The following KIAA1549L variants were observed in gnomAD, a reference collection of about 807,000 sequenced individuals.
KIAA1549L encodes KIAA1549 like.
A neutral mutation model predicts 160.7 loss-of-function variants in KIAA1549L; 88 were observed. The ratio of observed to expected loss-of-function variants is 0.55; its 90% CI spans 0.46 to 0.65. The LOEUF is 0.65. Among genes scored for constraint, KIAA1549L ranks in the 30% least tolerant of loss-of-function variants. The pLI, the probability that KIAA1549L is intolerant of heterozygous loss-of-function variation, is 0.00. For missense variants in KIAA1549L, 2,258 were observed against 2,437.5 expected (o/e 0.93, Z 1.55); for synonymous variants, 950 against 976.7 (o/e 0.97, Z 0.51).
rs527753744 is a variant in KIAA1549L at position 33,420,024 on chromosome 11, G to A, written c.238+43135G>A. 2.9e-4 allele frequency among the ~76,000 whole-genome samples: 44 copies of A among 152,142 alleles called. No individual in the cohort carries two copies. The South Asian group carries it at 8.5e-3, about 29-fold the overall frequency. ...CTGGCCTAATAAGTCCAGAACATCT[G>A]AGCCATCTCTTTAGATTATATTGTA... On this transcript the variant is annotated intron_variant, in intron 1 of 20. Transcript: ENST00000658780.
In KIAA1549L at chr11:33,551,126, C is replaced by T. The variant is rs770710721; in HGVS notation, c.3588C>T (p.Ile1196=). The change falls in exon 5 of 21, where the codon ATC becomes ATT. Residue 1196 remains isoleucine, a synonymous_variant. Transcript: ENST00000658780. ...TGGTGTATTTGCCTGCTGTGGTGATCGAAATGCTGGGTGTGTATGGAGTCA... is the reference window on the plus strand; with the variant it reads ...TGGTGTATTTGCCTGCTGTGGTGATTGAAATGCTGGGTGTGTATGGAGTCA... The part of the protein sequence containing the change: ...GKLVYLPAVV[I]EMLGVYGVSN... The T allele has an allele frequency of 1.2e-5, 20 of 1,613,802 alleles. No individual in the cohort carries two copies. In the East Asian group the frequency reaches 2.0e-4, roughly 16 times the overall value.
intron 16 of KIAA1549L, among the ~76,000 whole-genome samples, chr11:33,632,530 G>T (rs544965052): frequency 6.6e-6 from 1 of 152,242 alleles, no homozygotes; most frequent in East Asian, 1.9e-4. Flanking sequence ...GGATGCTGAG[G>T]CCATCACAGT....
At chr11:33,585,038 G>A (rs1464807553) in intron 11 of KIAA1549L, among the ~76,000 whole-genome samples, 1 of 152,176 alleles carries the variant, frequency 6.6e-6, no homozygotes, top group East Asian at 1.9e-4. Flanking sequence ...TTTATTGTTT[G>A]TTAAACTGAT....
At chr11:33,664,610 T>C (rs1469059171) in intron 20 of KIAA1549L, among the ~76,000 whole-genome samples, 2 of 152,200 alleles carry the variant, frequency 1.3e-5, no homozygotes, top group Non-Finnish European at 2.9e-5. Context: ...ATGGGATTAG[T>C]GCCCTTAGAA....
intron 1 of KIAA1549L, among the ~76,000 whole-genome samples, chr11:33,496,106 G>A (rs1852812405): frequency 6.6e-6 from 1 of 152,168 alleles, no homozygotes; most frequent in South Asian, 2.1e-4. Flanking sequence ...TGGGATTACA[G>A]GCTCCTGCCA....
intron 1 of KIAA1549L, among the ~76,000 whole-genome samples, chr11:33,457,197 GCA>G (rs1355575897): frequency 6.6e-6 from 1 of 152,134 alleles, no homozygotes; most frequent in Non-Finnish European, 1.5e-5. Context: ...GAAATAGGCA[GCA>G]CACTGACCTC....
chr11:33,427,758 C>T (rs1395982144), intron 1 of KIAA1549L, among the ~76,000 whole-genome samples: 1 of 152,166 alleles, frequency 6.6e-6, no homozygotes, highest in Non-Finnish European at 1.5e-5. Flanking sequence ...GAAAGCAACC[C>T]CCTTACTAGT....
At chr11:33,408,338 G>A (rs1490207230) in intron 1 of KIAA1549L, among the ~76,000 whole-genome samples, 1 of 152,002 alleles carries the variant, frequency 6.6e-6, no homozygotes, top group African/African-American at 2.4e-5. Flanking sequence ...CATAGCATCT[G>A]CGTGATCTTG....
chr11:33,502,620 A>G (rs1363356354), intron 1 of KIAA1549L, among the ~76,000 whole-genome samples: 1 of 152,252 alleles, frequency 6.6e-6, no homozygotes, highest in Non-Finnish European at 1.5e-5. Flanking sequence ...TAAGTGTTAC[A>G]GAAGCCTAAT....
intron 8 of KIAA1549L, among the ~76,000 whole-genome samples, chr11:33,564,764 TG>T (rs34656224): frequency 0.28 from 41,839 of 152,108 alleles, 6,063 homozygotes; most frequent in Middle Eastern, 0.44. Flanking sequence ...ACTTGGGCCA[TG>T]TGGACTTCAC....
chr11:33,568,329 A>C, intron 9 of KIAA1549L, 102 bp downstream of exon 9: 2 of 1,137,486 alleles, frequency 1.8e-6, no homozygotes, highest in Non-Finnish European at 2.4e-6. Context: ...AGGAGCCTCC[A>C]TGCTGCCAAC....
At position 33,561,690 on chromosome 11, in the gene KIAA1549L, A is replaced by G; in HGVS notation, c.4033A>G (p.Asn1345Asp). The G allele has an allele frequency of 1.2e-6, 2 of 1,609,462 alleles. No individual in the cohort carries two copies. The highest frequency in any genetic ancestry group is 1.1e-5 in the South Asian group (1 of 90,940). Reference protein sequence around the residue: ...LTIAEPLEYPNLDISETTRDY... With the variant: ...LTIAEPLEYPDLDISETTRDY... ...ATTTGTTTTAGCACTGGAATATCCC[A>G]ACCTTGACATATCAGAAACAACCAG... The change falls in exon 8 of 21, where the codon AAC (asparagine) becomes GAC (aspartate). Residue 1345 changes from asparagine to aspartate, a missense_variant. Physicochemically the swap from Asn to Asp is conservative, Grantham distance 23. This residue lies in a region of KIAA1549L where 1,359 missense variants were observed against 1,546.6 expected (regional missense o/e 0.88). Coordinates refer to ENST00000658780, the MANE Select transcript of KIAA1549L (RefSeq NM_012194.3).
intron 17 of KIAA1549L, among the ~76,000 whole-genome samples, chr11:33,653,576 G>A (rs976979923): frequency 1.3e-5 from 2 of 152,104 alleles, no homozygotes; most frequent in African/African-American, 4.8e-5. Context: ...ATCTAGATGT[G>A]TGTTTTACTT....
intron 16 of KIAA1549L, among the ~76,000 whole-genome samples, chr11:33,636,424 C>A (rs1851440911): frequency 6.7e-6 from 1 of 150,248 alleles, no homozygotes; most frequent in Non-Finnish European, 1.5e-5. Context: ...TCACGGCTCA[C>A]TGCAACTTCC....
rs20450 is a variant in KIAA1549L at position 33,550,923 on chromosome 11, G to A, written c.3502-117G>A. ...GAATTGTTAAGAATATTTGTTGAAC[G>A]AGAACATTCTATTCTCCAGTCTTGT... On this transcript the variant is annotated intron_variant, in intron 4 of 20. Coordinates refer to ENST00000658780, the MANE Select transcript of KIAA1549L (RefSeq NM_012194.3). 6.1e-3 allele frequency: 5,137 copies of A among 837,190 alleles called. 245 individuals carry two copies. The Admixed American group carries it at 0.09, about 15-fold the overall frequency. The allele number at this position is 837,190 out of a possible 1,614,324, so 51.9% of individuals were successfully genotyped here. A position where few individuals can be genotyped will look rare whatever the true frequency, so the allele number is the denominator to read the frequency against.
intron 8 of KIAA1549L, among the ~76,000 whole-genome samples, chr11:33,566,365 A>G (rs542855437): frequency 6.6e-6 from 1 of 152,246 alleles, no homozygotes; most frequent in Non-Finnish European, 1.5e-5. Flanking sequence ...TGAACCGGCA[A>G]GTACATGGGC....
chr11:33,510,217 G>T (rs935132968), intron 1 of KIAA1549L, among the ~76,000 whole-genome samples: 3 of 151,744 alleles, frequency 2.0e-5, no homozygotes, highest in Non-Finnish European at 2.9e-5. Context: ...TTCGTGTCTT[G>T]TTCTGTCACC....
intron 1 of KIAA1549L, among the ~76,000 whole-genome samples, chr11:33,533,535 T>C (rs915835593): frequency 1.3e-5 from 2 of 152,224 alleles, no homozygotes; most frequent in Admixed American, 1.3e-4. Flanking sequence ...GAAAAACATT[T>C]GATACTTACC....
chr11:33,382,391 T>C (rs1272858561), intron 1 of KIAA1549L, among the ~76,000 whole-genome samples: 1 of 152,070 alleles, frequency 6.6e-6, no homozygotes, highest in Non-Finnish European at 1.5e-5. Flanking sequence ...AGGTGGTTAG[T>C]GGCTCTGAGA....
Sources: gnomAD v4.1 joint callset for allele counts (sites outside exome capture counted in the v4.1 genomes callset) on GRCh38, gnomAD v4.1.1 for gene constraint, gnomAD v4.1.1 regional missense constraint, MANE v1.5 for transcripts, NCBI Gene and HGNC (gene_info 2026-07-23, HGNC 2026-07-21) for gene names.